RMDN2: variants seen among roughly 807,000 people sequenced by gnomAD.
RMDN2 encodes regulator of microtubule dynamics 2.
A neutral mutation model predicts 52.8 loss-of-function variants in RMDN2; 61 were observed. The observed-to-expected ratio is 1.16, with a 90% CI of 0.94 to 1.43. The LOEUF (loss-of-function observed/expected upper bound fraction) is 1.43, where lower values mean the gene tolerates loss of function less well. RMDN2 is among the 40% of genes most tolerant of loss of function. The pLI is 0.00. For synonymous variants in RMDN2, 180 were observed against 153.1 expected (o/e 1.18, Z -1.30); for missense variants, 592 against 475.3 (o/e 1.25, Z -2.28).
At position 38,041,427 on chromosome 2, in the gene RMDN2, G is replaced by GTTTTTTT. The variant is rs3057329; in HGVS notation, c.1714-25545_1714-25539dup. Among the ~76,000 whole-genome samples, 11 of 120,078 alleles carry GTTTTTTT rather than the reference G, an allele frequency of 9.2e-5. 1 individual carries two copies. Among genetic ancestry groups the GTTTTTTT allele is most frequent in the East Asian group, 2.7e-4 (1 of 3,758 alleles). 78.8% of individuals were successfully genotyped at this position (120,078 alleles called of 152,430 possible). A position where few individuals can be genotyped will look rare whatever the true frequency, so the allele number is the denominator to read the frequency against. Reference sequence around the variant, plus strand: ...TCTTCTTTCCTCATTTTTTTTATTGGTTTTTTTTTTTTTTTTGGACGTTTT... The same window carrying GTTTTTTT: ...TCTTCTTTCCTCATTTTTTTTATTGGTTTTTTTTTTTTTTTTTTTTTTTGGACGTTTT... On this transcript the variant is annotated intron_variant, in intron 10 of 10. Transcript: ENST00000234195.
upstream of RMDN2, among the ~76,000 whole-genome samples, chr2:37,923,962 C>T (rs933991612): frequency 6.6e-6 from 1 of 152,178 alleles, no homozygotes; most frequent in Non-Finnish European, 1.5e-5. Context: ...ATTGGCCAGG[C>T]TGGTCACGAA....
intron 8 of RMDN2, among the ~76,000 whole-genome samples, chr2:38,002,326 TTAG>T (rs1340338255): frequency 2.6e-5 from 4 of 152,190 alleles, no homozygotes; most frequent in Non-Finnish European, 4.4e-5. Context: ...TAATTGGTTA[TTAG>T]TAGTAATAAT....
At chr2:37,989,126 A>G (rs1247927338) in intron 5 of RMDN2, among the ~76,000 whole-genome samples, 1 of 152,174 alleles carries the variant, frequency 6.6e-6, no homozygotes, top group Non-Finnish European at 1.5e-5. Flanking sequence ...CTTTAACAGT[A>G]TTTTTAATGT....
intron 7 of RMDN2, among the ~76,000 whole-genome samples, chr2:37,996,776 AAG>A (rs1675611312): frequency 6.6e-6 from 1 of 152,158 alleles, no homozygotes; most frequent in South Asian, 2.1e-4. Context: ...TATTTGGGGA[AAG>A]AGCAAAACTT....
intron 8 of RMDN2, among the ~76,000 whole-genome samples, chr2:38,003,647 G>C (rs909053227): frequency 5.3e-5 from 8 of 152,098 alleles, no homozygotes; most frequent in African/African-American, 1.9e-4. Flanking sequence ...ACTTGTCCTA[G>C]GAATATCACC....
At chr2:38,037,454 G>A (rs373048190) in intron 10 of RMDN2, among the ~76,000 whole-genome samples, 32 of 152,304 alleles carry the variant, frequency 2.1e-4, no homozygotes, top group African/African-American at 7.0e-4. Context: ...CATCTGCAGA[G>A]ACAGGCTCAG....
intron 5 of RMDN2, among the ~76,000 whole-genome samples, chr2:37,985,378 T>TTTA (rs58839115): frequency 0.38 from 57,394 of 151,524 alleles, 11,599 homozygotes; most frequent in East Asian, 0.77. Context: ...ATGATCTGTT[T>TTTA]TTTATTTATT....
At chr2:38,003,966 C>G in intron 8 of RMDN2, 25 bp from the exon 9 acceptor site, 1 of 1,561,590 alleles carries the variant, frequency 6.4e-7, no homozygotes, top group Admixed American at 1.7e-5. Context: ...CCCTGTTATT[C>G]TCTCATGTTT....
At chr2:37,991,540 A>G (rs981490159) in intron 7 of RMDN2, among the ~76,000 whole-genome samples, 1 of 152,002 alleles carries the variant, frequency 6.6e-6, no homozygotes, top group African/African-American at 2.4e-5. Flanking sequence ...TGTAATTTAT[A>G]TATATTTGTA....
intron 10 of RMDN2, among the ~76,000 whole-genome samples, chr2:38,049,547 T>C (rs2125298129): frequency 6.6e-6 from 1 of 152,316 alleles, no homozygotes; most frequent in East Asian, 1.9e-4. Context: ...CAGACCATGG[T>C]TCCATGGTTT....
chr2:37,947,892 A>G (rs973592633), intron 2 of RMDN2, among the ~76,000 whole-genome samples: 1 of 152,140 alleles, frequency 6.6e-6, no homozygotes, highest in Non-Finnish European at 1.5e-5. Context: ...TGTGCCCCCT[A>G]CTTCTCCCCG....
intron 10 of RMDN2, among the ~76,000 whole-genome samples, chr2:38,022,930 T>C (rs1223101519): frequency 6.6e-6 from 1 of 152,184 alleles, no homozygotes; most frequent in Non-Finnish European, 1.5e-5. Flanking sequence ...CAAGCCAGGA[T>C]TGCGTTCCAG....
chr2:37,966,355 T>TA (rs1252512249), intron 2 of RMDN2, among the ~76,000 whole-genome samples: 1 of 151,982 alleles, frequency 6.6e-6, no homozygotes, highest in Admixed American at 6.6e-5. Flanking sequence ...AGGCAGAACT[T>TA]ACAGTGAGCC....
Position 38,017,110 on chromosome 2 carries a change from G to T in RMDN2, c.1180-76G>T, listed in dbSNP as rs114725342. On this transcript the variant is annotated intron_variant, in intron 10 of 10. Transcript: ENST00000354545. Reference sequence around the variant, plus strand: ...TGTTGGGGAATCTCCTCAAGTCAGTGTAAGTCTGTTTCAGCATGCTAGAGT... The same window carrying T: ...TGTTGGGGAATCTCCTCAAGTCAGTTTAAGTCTGTTTCAGCATGCTAGAGT... The T allele has an allele frequency of 2.3e-3, 2,051 of 892,008 alleles. 30 individuals are homozygous for T. The African/African-American group carries it at 0.031, about 13-fold the overall frequency. 55.3% of individuals were successfully genotyped at this position (892,008 alleles called of 1,614,324 possible).
intron 10 of RMDN2, among the ~76,000 whole-genome samples, chr2:38,008,383 G>T (rs1033363262): frequency 1.3e-5 from 2 of 152,058 alleles, no homozygotes; most frequent in South Asian, 4.2e-4. Context: ...TATGAATCTG[G>T]GTGCTCCTGT....
chr2:37,987,339 T>A (rs1674160764), intron 5 of RMDN2, among the ~76,000 whole-genome samples: 3 of 152,102 alleles, frequency 2.0e-5, no homozygotes, highest in Admixed American at 6.5e-5. Context: ...ATCCATTCAA[T>A]GAAAAATTAC....
rs994482071 is a variant in RMDN2, at chr2:37,929,667, A to T, written c.390A>T (p.Arg130Ser). ...ISPQHRARKRRLPTIQSSATS... is the reference protein window; with the variant it reads ...ISPQHRARKRSLPTIQSSATS... ...CTCAGCACAGAGCGAGAAAAAGAAG[A>T]CTCCCCACAATTCAAAGTTCAGCAA... is the stretch of plus-strand genomic sequence containing the variant. The change falls in exon 2 of 11, where the codon AGA becomes AGT. Residue 130 changes from arginine (R) to serine (S), a missense_variant. By Grantham distance (110) the Arg-to-Ser change is moderately radical. Transcript: ENST00000354545. The T allele has an allele frequency of 3.3e-6, 5 of 1,536,816 alleles. No homozygotes were observed. Among genetic ancestry groups the T allele is most frequent in the Non-Finnish European group, 4.4e-6 (5 of 1,143,444 alleles).
At chr2:37,997,046 C>G (rs755916404) in intron 7 of RMDN2, among the ~76,000 whole-genome samples, 5 of 152,018 alleles carry the variant, frequency 3.3e-5, no homozygotes, top group Non-Finnish European at 7.4e-5. Flanking sequence ...AGAGATACAC[C>G]GTAGTTACCT....
chr2:37,996,601 GA>G (rs1161536445), intron 7 of RMDN2, among the ~76,000 whole-genome samples: 732 of 57,994 alleles, frequency 0.013, 4 homozygotes, highest in South Asian at 0.029. Context: ...AAAAAAAAAA[GA>G]AAAAAAAAAA....
Sources: gnomAD v4.1 joint callset for allele counts (sites outside exome capture counted in the v4.1 genomes callset) on GRCh38, gnomAD v4.1.1 for gene constraint, MANE v1.5 for transcripts, NCBI Gene and HGNC (gene_info 2026-07-23, HGNC 2026-07-21) for gene names.